Variants in SPON1 observed in about 807,000 individuals in gnomAD.
The protein encoded by SPON1 is spondin 1, also known as spondin-1.
A neutral mutation model predicts 111.7 loss-of-function variants in SPON1; 52 were observed. The observed-to-expected ratio is 0.47, with a 90% confidence interval of 0.37 to 0.59. The LOEUF (loss-of-function observed/expected upper bound fraction) is 0.59. Among genes scored for constraint, SPON1 ranks in the 20% least tolerant of loss-of-function variants. SPON1 has a pLI of 0.00. For missense variants in SPON1, 957 were observed against 1,068.5 expected (o/e 0.90, Z 1.46); for synonymous variants, 410 against 395.8 (o/e 1.04, Z -0.43).
chr11:14,233,762 T>C (rs1231289319), intron 6 of SPON1, among the ~76,000 whole-genome samples: 1 of 141,136 alleles, frequency 7.1e-6, no homozygotes, highest in African/African-American at 2.7e-5. Context: ...CTTTTTCTTT[T>C]TTTTTTTTTT....
chr11:14,071,150 A>G (rs1309215767), intron 3 of SPON1, among the ~76,000 whole-genome samples: 6 of 152,150 alleles, frequency 3.9e-5, no homozygotes, highest in African/African-American at 1.4e-4. Context: ...TTTCTGAATG[A>G]TAATATGATT....
intron 6 of SPON1, among the ~76,000 whole-genome samples, chr11:14,241,071 G>C (rs868995533): frequency 9.7e-5 from 7 of 72,536 alleles, no homozygotes; most frequent in Non-Finnish European, 1.6e-4. Flanking sequence ...TAAATATAAT[G>C]CCTGCACACA....
chr11:14,238,786 T>C (rs1413223483), intron 6 of SPON1, among the ~76,000 whole-genome samples: 1 of 152,164 alleles, frequency 6.6e-6, no homozygotes, highest in Non-Finnish European at 1.5e-5. Context: ...AAAAGCAAAA[T>C]GGAAGATGAA....
At position 14,262,781 on chromosome 11, in the gene SPON1, T is replaced by G. The variant is rs1229187735; in HGVS notation, c.2066T>G (p.Val689Gly). Reference sequence around the variant, plus strand: ...AACAAGTCATGTGGGAAAGGCCACGTGATTCGAACCCGGATGATCCAAATG... The same window carrying G: ...AACAAGTCATGTGGGAAAGGCCACGGGATTCGAACCCGGATGATCCAAATG... ...ECNKSCGKGH[V>G]IRTRMIQMEP... The change falls in exon 15 of 16, where the codon GTG (valine) becomes GGG (glycine). Residue 689 changes from valine (V) to glycine (G), a missense_variant. Physicochemically the swap from Val to Gly is moderately radical, Grantham distance 109. Around this residue, in one of 5 missense-constraint regions of SPON1, gnomAD observed 549 missense variants for 606.2 expected, o/e 0.91. Coordinates refer to ENST00000576479, the MANE Select transcript of SPON1 (RefSeq NM_006108.4). 2 of 1,613,804 alleles carry G rather than the reference T, an allele frequency of 1.2e-6. No homozygotes were observed. Among genetic ancestry groups the G allele is most frequent in the Non-Finnish European group, 1.7e-6 (2 of 1,179,894 alleles).
chr11:14,166,168 C>T (rs944558335), intron 6 of SPON1, among the ~76,000 whole-genome samples: 5 of 152,174 alleles, frequency 3.3e-5, no homozygotes, highest in Non-Finnish European at 7.3e-5. Context: ...AAGAAGCATG[C>T]CATTCCAGTC....
At chr11:14,174,583 C>T (rs1848152469) in intron 6 of SPON1, among the ~76,000 whole-genome samples, 1 of 151,508 alleles carries the variant, frequency 6.6e-6, no homozygotes, top group Non-Finnish European at 1.5e-5. Context: ...GGCACCTCCT[C>T]TGTTTTCCCA....
intron 6 of SPON1, among the ~76,000 whole-genome samples, chr11:14,229,605 A>G (rs553137843): frequency 4.2e-4 from 64 of 152,308 alleles, no homozygotes; most frequent in African/African-American, 1.4e-3. Context: ...TTAACCCAGT[A>G]GGGAACAAGC....
chr11:14,100,143 GTT>G (rs10585637), intron 5 of SPON1, among the ~76,000 whole-genome samples: 40,584 of 145,836 alleles, frequency 0.28, 6,408 homozygotes, highest in Non-Finnish European at 0.38. Context: ...TACTTACTGA[GTT>G]TTTTTTTTTT....
chr11:14,256,652 T>C lies in SPON1; in HGVS notation c.1269T>C (p.Asp423=), dbSNP rs782782335. ...GCAATATTGTACCTGACAATGTCGATGATATTGTAGCTGACCTGGCTCCAG... is the reference window on the plus strand; with the variant it reads ...GCAATATTGTACCTGACAATGTCGACGATATTGTAGCTGACCTGGCTCCAG... ...EQCNIVPDNV[D]DIVADLAPEE... Residue 423 remains aspartate, a synonymous_variant, in exon 10 of 16, where the codon GAT becomes GAC. Transcript: ENST00000576479. The C allele has an allele frequency of 5.6e-6, 9 of 1,613,624 alleles. No homozygotes were observed. The highest frequency in any genetic ancestry group is 1.1e-5 in the South Asian group (1 of 91,040).
intron 2 of SPON1, among the ~76,000 whole-genome samples, chr11:14,019,151 A>G (rs1482908472): frequency 6.6e-6 from 1 of 152,102 alleles, no homozygotes; most frequent in Non-Finnish European, 1.5e-5. Context: ...TTAGTCATCC[A>G]TAGTATTTGG....
chr11:14,155,113 A>C (rs1396985918), intron 6 of SPON1, among the ~76,000 whole-genome samples: 1 of 152,194 alleles, frequency 6.6e-6, no homozygotes, highest in Non-Finnish European at 1.5e-5. Context: ...ACAATTTGAC[A>C]AGTCTCTGGA....
intron 6 of SPON1, among the ~76,000 whole-genome samples, chr11:14,143,313 G>A (rs1345321253): frequency 6.6e-5 from 10 of 152,192 alleles, no homozygotes; most frequent in Non-Finnish European, 1.5e-4. Context: ...TGTAATCCCA[G>A]TATTTTGGGA....
At chr11:14,150,457 T>C (rs1248637717) in intron 6 of SPON1, among the ~76,000 whole-genome samples, 5 of 151,928 alleles carry the variant, frequency 3.3e-5, no homozygotes, top group African/African-American at 1.2e-4. Flanking sequence ...GAAGAGCAGA[T>C]TTTGAATGTT....
intron 6 of SPON1, among the ~76,000 whole-genome samples, chr11:14,216,063 T>A (rs782285769): frequency 6.6e-6 from 1 of 152,204 alleles, no homozygotes; most frequent in Non-Finnish European, 1.5e-5. Flanking sequence ...CAATTGTTCA[T>A]CAAGGTGGTT....
chr11:14,032,804 C>T (rs1458751702), intron 2 of SPON1, among the ~76,000 whole-genome samples: 3 of 152,104 alleles, frequency 2.0e-5, no homozygotes, highest in Non-Finnish European at 4.4e-5. Flanking sequence ...TAGCACATGT[C>T]TTCCCTCATT....
At chr11:14,121,444 G>T (rs77086839) in intron 5 of SPON1, among the ~76,000 whole-genome samples, 1 of 152,258 alleles carries the variant, frequency 6.6e-6, no homozygotes, top group Admixed American at 6.5e-5. Context: ...AAATAAGCTC[G>T]GGTTCAGATT....
chr11:14,225,037 C>T (rs1591417703), intron 6 of SPON1, among the ~76,000 whole-genome samples: 1 of 152,120 alleles, frequency 6.6e-6, no homozygotes, highest in Non-Finnish European at 1.5e-5. Flanking sequence ...TGGCTGAGGG[C>T]GCCATTCCTT....
At chr11:14,082,120 A>G (rs1400956231) in intron 5 of SPON1, among the ~76,000 whole-genome samples, 2 of 152,022 alleles carry the variant, frequency 1.3e-5, no homozygotes, top group Admixed American at 6.6e-5. Flanking sequence ...ATCTTTTGTG[A>G]TCCTAAGAAG....
At chr11:14,019,896 A>C (rs1848468750) in intron 2 of SPON1, among the ~76,000 whole-genome samples, 1 of 152,060 alleles carries the variant, frequency 6.6e-6, no homozygotes, top group Admixed American at 6.6e-5. Flanking sequence ...ATAGGCCACT[A>C]CCCCTTTTGT....
Sources: allele counts gnomAD v4.1 joint callset (sites outside exome capture counted in the v4.1 genomes callset), GRCh38; gene constraint gnomAD v4.1.1; regional missense constraint gnomAD v4.1.1; transcripts MANE v1.5; gene names NCBI Gene and HGNC (gene_info 2026-07-23, HGNC 2026-07-21).